SSUH2: variants seen among roughly 807,000 people sequenced by gnomAD.
SSUH2 encodes the protein protein SSUH2 homolog.
SSUH2 carries 47 observed loss-of-function variants against 55.3 expected under a neutral mutation model. The ratio of observed to expected loss-of-function variants is 0.85; its 90% CI spans 0.67 to 1.08. SSUH2 has a LOEUF of 1.08. SSUH2 is among the 50% of genes least tolerant of loss of function. The pLI, the probability that SSUH2 is intolerant of heterozygous loss-of-function variation, is 0.00. For missense variants in SSUH2, 535 were observed against 490.7 expected (o/e 1.09, Z -0.85); for synonymous variants, 212 against 191.5 (o/e 1.11, Z -0.89).
intron 3 of SSUH2, among the ~76,000 whole-genome samples, chr3:8,674,364 G>A (rs186471253): frequency 1.3e-5 from 2 of 152,308 alleles, no homozygotes; most frequent in Non-Finnish European, 2.9e-5. Flanking sequence ...GGAGGCCCCG[G>A]ACAAGGAGGA....
chr3:8,633,944 G>A lies in SSUH2; in HGVS notation c.210-149C>T, dbSNP rs141091060. 111 of 1,613,818 alleles carry A rather than the reference G, an allele frequency of 6.9e-5. No homozygotes were observed. In the African/African-American group the frequency reaches 1.0e-3, roughly 15 times the overall value. ...AGTCCAACTGGGGAGGGCATCTCCT[G>A]CAAAGGGGACCATGTGAACGGGTGC... On this transcript the variant is annotated intron_variant, in intron 3 of 11. Coordinates refer to ENST00000544814, the MANE Select transcript of SSUH2 (RefSeq NM_001256748.3).
upstream of SSUH2, among the ~76,000 whole-genome samples, chr3:8,646,528 C>T (rs1270555755): frequency 1.3e-5 from 2 of 152,240 alleles, no homozygotes; most frequent in African/African-American, 4.8e-5. Context: ...GCAGAAATGA[C>T]AGTCCTTTTC....
intron 10 of SSUH2, among the ~76,000 whole-genome samples, chr3:8,624,855 T>C (rs1697196491): frequency 6.6e-6 from 1 of 152,142 alleles, no homozygotes; most frequent in Admixed American, 6.5e-5. Context: ...AGCTCTGCCC[T>C]GCTCACTGCC....
intron 1 of SSUH2, among the ~76,000 whole-genome samples, chr3:8,681,005 T>TG (rs879208765): frequency 7.5e-6 from 1 of 133,530 alleles, no homozygotes; most frequent in African/African-American, 2.7e-5. Context: ...CCCATCGCAG[T>TG]GGGGGAGGCA....
chr3:8,625,778 C>G, intron 9 of SSUH2, 131 bp from the exon 10 acceptor site: 1 of 621,602 alleles, frequency 1.6e-6, no homozygotes, highest in Non-Finnish European at 2.9e-6. Flanking sequence ...GTTCTGTAGC[C>G]TCTCTGAGCC....
chr3:8,638,759 G>C (rs1163730587), intron 1 of SSUH2, among the ~76,000 whole-genome samples: 1 of 152,174 alleles, frequency 6.6e-6, no homozygotes, highest in Non-Finnish European at 1.5e-5. Flanking sequence ...CTTTCTTTGT[G>C]CTCATTTAAG....
rs1401539504 is a variant in SSUH2 at position 8,681,103 on chromosome 3, G to A, written c.-1046+788C>T. 9.6e-3 allele frequency among the ~76,000 whole-genome samples: 917 copies of A among 95,636 alleles called. 106 individuals are homozygous for A. The highest frequency in any genetic ancestry group is 0.041 in the Middle Eastern group (5 of 122). The allele number at this position is 95,636 out of a possible 152,430, so 62.7% of individuals were successfully genotyped here. ...TAGCAGGGGGGAGAGGCACCCCCGC[G>A]AGGCGGGTTCTGAGAGCCAGCCCCT... On this transcript the variant is annotated intron_variant, in intron 1 of 18. Transcript: ENST00000317371.
chr3:8,645,444 T>C (rs1455657868), upstream of SSUH2, among the ~76,000 whole-genome samples: 3 of 152,182 alleles, frequency 2.0e-5, no homozygotes, highest in African/African-American at 7.2e-5. Context: ...AAAGGTCTTT[T>C]CCTAAACCTT....
chr3:8,637,998 A>C (rs905698317), intron 1 of SSUH2, among the ~76,000 whole-genome samples: 2 of 152,230 alleles, frequency 1.3e-5, no homozygotes, highest in Non-Finnish European at 2.9e-5. Flanking sequence ...AGAAAACTTC[A>C]TTTGTGAAAA....
upstream of SSUH2, among the ~76,000 whole-genome samples, chr3:8,647,112 A>G (rs192184283): frequency 6.6e-6 from 1 of 152,298 alleles, no homozygotes; most frequent in East Asian, 1.9e-4. Context: ...GGTAGGGCAG[A>G]GCTTTAGAAG....
chr3:8,679,364 T>A (rs759235251), intron 2 of SSUH2, among the ~76,000 whole-genome samples: 3 of 71,188 alleles, frequency 4.2e-5, no homozygotes, highest in African/African-American at 8.7e-5. Context: ...CCCCATCGCA[T>A]TGGCGGGAGG....
intron 4 of SSUH2, among the ~76,000 whole-genome samples, chr3:8,632,509 A>G (rs751863922): frequency 6.6e-6 from 1 of 152,204 alleles, no homozygotes; most frequent in Non-Finnish European, 1.5e-5. Context: ...ATCTTCATCC[A>G]TAGGGTGACA....
chr3:8,645,275 A>G (rs1003830195), upstream of SSUH2, among the ~76,000 whole-genome samples: 9 of 152,214 alleles, frequency 5.9e-5, no homozygotes, highest in Non-Finnish European at 1.2e-4. Flanking sequence ...GAGCATCACC[A>G]GCCTCATCTC....
Position 8,633,851 on chromosome 3 carries a change from G to A in SSUH2, c.210-56C>T, listed in dbSNP as rs552902000. Reference sequence around the variant, plus strand: ...TTCTGGGAAGGGCCTGTGGACTCACGCGGGCCAGCCAGCCTCCTCAACGTG... The same window carrying A: ...TTCTGGGAAGGGCCTGTGGACTCACACGGGCCAGCCAGCCTCCTCAACGTG... On this transcript the variant is annotated intron_variant, in intron 3 of 11. Coordinates refer to ENST00000544814, the MANE Select transcript of SSUH2 (RefSeq NM_001256748.3). The A allele has an allele frequency of 1.5e-5, 25 of 1,613,284 alleles. No individual in the cohort carries two copies. The Middle Eastern group carries it at 8.3e-4, about 53-fold the overall frequency.
At chr3:8,673,076 GA>G (rs1365029706) in intron 3 of SSUH2, among the ~76,000 whole-genome samples, 1 of 151,750 alleles carries the variant, frequency 6.6e-6, no homozygotes, top group African/African-American at 2.4e-5. Context: ...TTAATATTAA[GA>G]AATCATTGCT....
chr3:8,627,524 C>T, intron 8 of SSUH2, 174 bp downstream of exon 8: 1 of 441,480 alleles, frequency 2.3e-6, no homozygotes, highest in Non-Finnish European at 4.1e-6. Flanking sequence ...AATGCCAGGC[C>T]TTGAGAAAAG....
upstream of SSUH2, among the ~76,000 whole-genome samples, chr3:8,646,300 A>C (rs1701674422): frequency 1.3e-5 from 2 of 152,242 alleles, no homozygotes; most frequent in Admixed American, 6.5e-5. Flanking sequence ...TAACTAAAAC[A>C]ATATACCACT....
chr3:8,677,938 T>C (rs951291873), intron 2 of SSUH2, among the ~76,000 whole-genome samples: 4 of 150,960 alleles, frequency 2.6e-5, no homozygotes, highest in Non-Finnish European at 5.9e-5. Flanking sequence ...CAGACGGATG[T>C]ACACCCGTCT....
chr3:8,651,385 T>A (rs1404747839), intron 7 of SSUH2, among the ~76,000 whole-genome samples: 2 of 152,184 alleles, frequency 1.3e-5, no homozygotes, highest in African/African-American at 4.8e-5. Flanking sequence ...ACTTCTTCAC[T>A]GTGCACATGG....
Sources: allele counts gnomAD v4.1 joint callset (sites outside exome capture counted in the v4.1 genomes callset), GRCh38; gene constraint gnomAD v4.1.1; transcripts MANE v1.5; gene names NCBI Gene and HGNC (gene_info 2026-07-23, HGNC 2026-07-21).